The following CADM2 variants were observed in gnomAD, a reference collection of about 807,000 sequenced individuals.
CADM2 encodes cell adhesion molecule 2.
CADM2 carries 12 observed loss-of-function variants against 49.8 expected under a neutral mutation model. The ratio of observed to expected loss-of-function variants is 0.24; its 90% CI spans 0.15 to 0.39. The LOEUF (loss-of-function observed/expected upper bound fraction) is 0.39. Ranked by LOEUF, CADM2 falls within the 10% of genes least tolerant of loss-of-function variation. CADM2 has a pLI of 1.00. For missense variants in CADM2, 378 were observed against 492.3 expected (o/e 0.77, Z 2.20); for synonymous variants, 214 against 175.4 (o/e 1.22, Z -1.74).
At chr3:85,823,895 G>C (rs1244829952) in intron 3 of CADM2, among the ~76,000 whole-genome samples, 1 of 152,042 alleles carries the variant, frequency 6.6e-6, no homozygotes, top group Non-Finnish European at 1.5e-5. Flanking sequence ...AATTGTTAAA[G>C]AGTGGTCAAT....
At chr3:85,884,998 G>T (rs1713372780) in intron 4 of CADM2, among the ~76,000 whole-genome samples, 1 of 150,910 alleles carries the variant, frequency 6.6e-6, no homozygotes. Flanking sequence ...GATTACAAGG[G>T]ATGAGCCACC....
At chr3:85,986,609 T>C (rs1314077745) in intron 8 of CADM2, among the ~76,000 whole-genome samples, 1 of 152,076 alleles carries the variant, frequency 6.6e-6, no homozygotes, top group Non-Finnish European at 1.5e-5. Flanking sequence ...AACCTGCTTA[T>C]CTACAAAAAG....
At chr3:85,306,638 T>C (rs149110641) in intron 1 of CADM2, among the ~76,000 whole-genome samples, 1 of 151,820 alleles carries the variant, frequency 6.6e-6, no homozygotes, top group African/African-American at 2.4e-5. Flanking sequence ...GGATATACTA[T>C]TGTATAGACT....
At chr3:85,050,024 T>C (rs1330132201) in intron 1 of CADM2, among the ~76,000 whole-genome samples, 1 of 152,030 alleles carries the variant, frequency 6.6e-6, no homozygotes, top group Non-Finnish European at 1.5e-5. Context: ...ATTCAGTCAT[T>C]TCATCGGCCT....
rs1739506764 is a variant in CADM2, at chr3:86,067,941, ACAGCCTCAGGTTTTAAAT to A, written c.*1159_*1176del. Reference sequence around the variant, plus strand: ...GTAATTTTAAGCTAACAACCAGTGCACAGCCTCAGGTTTTAAATTACAACCACAGTTGAATAATAACCT... The same window carrying A: ...GTAATTTTAAGCTAACAACCAGTGCATACAACCACAGTTGAATAATAACCT... On this transcript the variant is annotated 3_prime_UTR_variant, in exon 10 of 10. Transcript: ENST00000383699. 6.6e-6 allele frequency: 1 copy of A among 152,482 alleles called. No homozygotes were observed. The highest frequency in any genetic ancestry group is 2.1e-4 in the South Asian group (1 of 4,836). 9.4% of individuals were successfully genotyped at this position (152,482 alleles called of 1,614,324 possible). A position where few individuals can be genotyped will look rare whatever the true frequency, so the allele number is the denominator to read the frequency against.
At chr3:85,475,449 AATTT>A (rs2038937909) in intron 1 of CADM2, among the ~76,000 whole-genome samples, 2 of 151,980 alleles carry the variant, frequency 1.3e-5, no homozygotes, top group South Asian at 4.1e-4. Context: ...GTCTAAATAT[AATTT>A]ATTTATTTGT....
intron 1 of CADM2, among the ~76,000 whole-genome samples, chr3:85,026,008 G>A (rs1458994671): frequency 6.6e-6 from 1 of 152,112 alleles, no homozygotes; most frequent in Admixed American, 6.5e-5. Flanking sequence ...TTCTTCACAG[G>A]TGGGTGCTCA....
intron 1 of CADM2, among the ~76,000 whole-genome samples, chr3:85,535,785 G>A (rs1576745618): frequency 6.6e-6 from 1 of 152,210 alleles, no homozygotes; most frequent in Middle Eastern, 3.4e-3. Context: ...CACTGCAGGC[G>A]AGAATTTATT....
At chr3:84,991,313 C>T (rs1382744592) in intron 1 of CADM2, among the ~76,000 whole-genome samples, 2 of 151,962 alleles carry the variant, frequency 1.3e-5, no homozygotes, top group Non-Finnish European at 2.9e-5. Context: ...GTTCAAAGCA[C>T]CTCCTAGATT....
chr3:85,295,655 T>C (rs902613757), intron 1 of CADM2, among the ~76,000 whole-genome samples: 4 of 151,814 alleles, frequency 2.6e-5, no homozygotes, highest in Admixed American at 1.3e-4. Flanking sequence ...ATGGATGAAA[T>C]TGGAAATCAT....
intron 1 of CADM2, among the ~76,000 whole-genome samples, chr3:85,442,588 GTATATATATATATATATATATATATATA>G (rs55882841): frequency 0.2 from 24,566 of 121,028 alleles, 2,799 homozygotes; most frequent in Non-Finnish European, 0.24. Flanking sequence ...TTATATATGA[GTATATATATATATATATATATATATATA>G]TATATATATA....
chr3:85,632,166 A>T (rs998846608), intron 1 of CADM2, among the ~76,000 whole-genome samples: 1 of 151,982 alleles, frequency 6.6e-6, no homozygotes, highest in African/African-American at 2.4e-5. Context: ...TTCTCATGAT[A>T]GTGAATGAAT....
intron 7 of CADM2, among the ~76,000 whole-genome samples, chr3:85,949,159 T>C (rs886629577): frequency 6.6e-6 from 1 of 151,436 alleles, no homozygotes; most frequent in Non-Finnish European, 1.5e-5. Context: ...AATTGCAAAT[T>C]GTGGCTTATT....
intron 2 of CADM2, among the ~76,000 whole-genome samples, chr3:85,772,682 T>G (rs1428195814): frequency 1.3e-5 from 2 of 152,016 alleles, no homozygotes; most frequent in African/African-American, 2.4e-5. Flanking sequence ...ACCAAGAAGT[T>G]CAGTTTAGAG....
At chr3:85,357,161 C>T (rs1490886800) in intron 1 of CADM2, among the ~76,000 whole-genome samples, 3 of 152,034 alleles carry the variant, frequency 2.0e-5, no homozygotes, top group African/African-American at 4.8e-5. Flanking sequence ...CACAAGATAC[C>T]TAGTCCTTTA....
intron 1 of CADM2, among the ~76,000 whole-genome samples, chr3:85,436,061 C>A (rs180914938): frequency 6.6e-6 from 1 of 152,076 alleles, no homozygotes; most frequent in African/African-American, 2.4e-5. Context: ...CTTTTATTGT[C>A]ATTGCTTTTG....
chr3:85,930,443 G>A (rs1460573539), intron 6 of CADM2, among the ~76,000 whole-genome samples: 1 of 152,044 alleles, frequency 6.6e-6, no homozygotes, highest in Non-Finnish European at 1.5e-5. Context: ...TATTCTTTGA[G>A]TTACAAACAG....
chr3:86,045,185 T>C (rs1385729274), intron 8 of CADM2, among the ~76,000 whole-genome samples: 7 of 151,862 alleles, frequency 4.6e-5, no homozygotes, highest in South Asian at 2.1e-4. Flanking sequence ...TGTGCACATG[T>C]ACCCTAAAAC....
At chr3:85,250,827 A>T (rs1429288316) in intron 1 of CADM2, among the ~76,000 whole-genome samples, 1 of 151,720 alleles carries the variant, frequency 6.6e-6, no homozygotes, top group Non-Finnish European at 1.5e-5. Context: ...ACATTTAATC[A>T]TTGTATAGGA....
Sources: allele counts gnomAD v4.1 joint callset (sites outside exome capture counted in the v4.1 genomes callset), GRCh38; gene constraint gnomAD v4.1.1; transcripts MANE v1.5; gene names NCBI Gene and HGNC (gene_info 2026-07-23, HGNC 2026-07-21).